The following HPSE2 variants were observed in gnomAD, a reference collection of about 807,000 sequenced individuals.
HPSE2 encodes inactive heparanase-2.
A neutral mutation model predicts 60.5 loss-of-function variants in HPSE2; 38 were observed. The observed-to-expected ratio is 0.63, with a 90% CI of 0.48 to 0.82. The LOEUF is 0.82. Among genes scored for constraint, HPSE2 ranks in the 40% least tolerant of loss-of-function variants. The pLI, the probability that HPSE2 is intolerant of heterozygous loss-of-function variation, is 0.00. For missense variants in HPSE2, 713 were observed against 740.4 expected, an observed-to-expected ratio of 0.96 and a Z score of 0.43; for synonymous variants, 295 against 293.2, an observed-to-expected ratio of 1.01 and a Z score of -0.06.
At chr10:98,571,814 T>G (rs1161310854) in intron 9 of HPSE2, among the ~76,000 whole-genome samples, 1 of 152,204 alleles carries the variant, frequency 6.6e-6, no homozygotes, top group African/African-American at 2.4e-5. Context: ...CCAGCCTGAT[T>G]CATTTCAGGC....
rs572305966 is a variant in HPSE2, at chr10:98,810,772, A to T, written c.611-66716T>A. On this transcript the variant is annotated intron_variant, in intron 3 of 11. Transcript: ENST00000370552. ...GTTGATGAACTAAAAAAAAAAAATA[A>T]AAATAAAAATAAATCACACACAAAA... is the stretch of plus-strand genomic sequence containing the variant. Among the ~76,000 whole-genome samples, 883 of 152,236 alleles carry T rather than the reference A, an allele frequency of 5.8e-3. 5 individuals are homozygous for T. Among genetic ancestry groups the T allele is most frequent in the African/African-American group, 0.02 (836 of 41,530 alleles).
intron 2 of HPSE2, among the ~76,000 whole-genome samples, chr10:99,162,445 G>C (rs1038737957): frequency 2.0e-5 from 3 of 152,168 alleles, no homozygotes; most frequent in African/African-American, 7.2e-5. Flanking sequence ...AGACCTGAAA[G>C]AATGCTTTGG....
chr10:98,844,407 T>A (rs1283564166), intron 3 of HPSE2, among the ~76,000 whole-genome samples: 2 of 152,222 alleles, frequency 1.3e-5, no homozygotes, highest in Non-Finnish European at 1.5e-5. Flanking sequence ...CATATTCTTA[T>A]GTGATTTTGA....
At position 98,513,451 on chromosome 10, in the gene HPSE2, C is replaced by T. The variant is rs114649395; in HGVS notation, c.1321-23255G>A. 2.3e-3 allele frequency among the ~76,000 whole-genome samples: 344 copies of T among 152,232 alleles called. 2 individuals are homozygous for T. The highest frequency in any genetic ancestry group is 7.9e-3 in the African/African-American group (328 of 41,550). On this transcript the variant is annotated intron_variant, in intron 9 of 11. Transcript: ENST00000370552. ...GTGGAATGGAGACCCGTGAAGCCCT[C>T]AACCTTGAATTACAGTCCAGAGGGT...
intron 9 of HPSE2, among the ~76,000 whole-genome samples, chr10:98,559,544 C>T (rs1252363162): frequency 4.6e-5 from 7 of 152,178 alleles, no homozygotes; most frequent in Admixed American, 4.6e-4. Flanking sequence ...TCACATGCCC[C>T]AAGTCCTTCT....
At chr10:99,121,105 T>C (rs1844935445) in intron 3 of HPSE2, among the ~76,000 whole-genome samples, 1 of 152,174 alleles carries the variant, frequency 6.6e-6, no homozygotes, top group Admixed American at 6.5e-5. Context: ...CACAGAATAC[T>C]ATGCAGTCAT....
the HPSE2 span, among the ~76,000 whole-genome samples, chr10:99,299,162 G>A: frequency 1.1e-3 from 174 of 152,022 alleles, no homozygotes; most frequent in East Asian, 0.023. Context: ...TTCTGAGAGG[G>A]GCCCCACTAG....
intron 3 of HPSE2, among the ~76,000 whole-genome samples, chr10:98,980,401 A>G (rs1027316869): frequency 6.6e-6 from 1 of 152,184 alleles, no homozygotes; most frequent in Non-Finnish European, 1.5e-5. Context: ...AAGGAAAAAA[A>G]ATCAATTCAT....
the HPSE2 span, among the ~76,000 whole-genome samples, chr10:99,241,069 T>C: frequency 1.3e-5 from 2 of 152,326 alleles, no homozygotes; most frequent in South Asian, 4.1e-4. Flanking sequence ...CTTCTTCTTA[T>C]ACCTAGTTTA....
At chr10:98,616,250 CACTTA>C (rs1446574592) in intron 8 of HPSE2, among the ~76,000 whole-genome samples, 2 of 152,180 alleles carry the variant, frequency 1.3e-5, no homozygotes, top group East Asian at 1.9e-4. Flanking sequence ...CAGAAAGAAT[CACTTA>C]ACTTATTTCT....
intron 3 of HPSE2, among the ~76,000 whole-genome samples, chr10:99,004,071 T>C (rs1408347748): frequency 6.6e-6 from 1 of 152,098 alleles, no homozygotes; most frequent in Admixed American, 6.5e-5. Flanking sequence ...CTCTTTTCCA[T>C]TTGTTTGTTT....
At chr10:98,559,049 G>A (rs1005587394) in intron 9 of HPSE2, among the ~76,000 whole-genome samples, 4 of 151,918 alleles carry the variant, frequency 2.6e-5, no homozygotes, top group Non-Finnish European at 4.4e-5. Context: ...TTTTTCTTTC[G>A]GAGACAGGGT....
At chr10:99,179,845 T>C (rs918643596) in intron 2 of HPSE2, among the ~76,000 whole-genome samples, 1 of 151,664 alleles carries the variant, frequency 6.6e-6, no homozygotes, top group African/African-American at 2.4e-5. Context: ...GGCATCACAC[T>C]ACTTGACTTC....
intron 9 of HPSE2, among the ~76,000 whole-genome samples, chr10:98,575,665 T>C (rs1944621806): frequency 6.6e-6 from 1 of 152,206 alleles, no homozygotes; most frequent in African/African-American, 2.4e-5. Flanking sequence ...GATGAGGTAA[T>C]TTGCTTGTGG....
At chr10:99,048,569 C>T (rs1957914392) in intron 3 of HPSE2, among the ~76,000 whole-genome samples, 1 of 151,722 alleles carries the variant, frequency 6.6e-6, no homozygotes, top group Non-Finnish European at 1.5e-5. Flanking sequence ...TTTAAAAAGT[C>T]AAAAAAACAA....
intron 3 of HPSE2, among the ~76,000 whole-genome samples, chr10:98,871,148 G>C (rs145745960): frequency 9.9e-4 from 151 of 152,020 alleles, no homozygotes; most frequent in African/African-American, 3.5e-3. Context: ...ACCCAGTCTC[G>C]AGTATTCCTT....
At chr10:99,205,620 T>C (rs1848720615) in intron 2 of HPSE2, among the ~76,000 whole-genome samples, 2 of 152,168 alleles carry the variant, frequency 1.3e-5, no homozygotes, top group Non-Finnish European at 2.9e-5. Context: ...ATGTGAAATT[T>C]CACACACATA....
At chr10:99,199,780 A>G (rs936130832) in intron 2 of HPSE2, among the ~76,000 whole-genome samples, 4 of 152,114 alleles carry the variant, frequency 2.6e-5, no homozygotes, top group African/African-American at 9.7e-5. Flanking sequence ...TTCCAAATGG[A>G]TTTTTTGAAT....
At chr10:99,106,744 A>T (rs1360278752) in intron 3 of HPSE2, among the ~76,000 whole-genome samples, 3 of 152,154 alleles carry the variant, frequency 2.0e-5, no homozygotes, top group Non-Finnish European at 4.4e-5. Flanking sequence ...GAAGTAGATA[A>T]TATTATCCCC....
Sources: allele counts gnomAD v4.1 joint callset (sites outside exome capture counted in the v4.1 genomes callset), GRCh38; gene constraint gnomAD v4.1.1; transcripts MANE v1.5; gene names NCBI Gene and HGNC (gene_info 2026-07-23, HGNC 2026-07-21).